The following USP54 variants were observed in gnomAD, a reference collection of about 807,000 sequenced individuals.
The protein encoded by USP54 is ubiquitin carboxyl-terminal hydrolase 54.
Under a neutral mutation model 170.5 loss-of-function variants are expected in USP54, and 87 were observed. The ratio of observed to expected loss-of-function variants is 0.51; its 90% CI spans 0.43 to 0.61. The LOEUF (loss-of-function observed/expected upper bound fraction) is 0.61. Ranked by LOEUF, USP54 falls within the 20% of genes least tolerant of loss-of-function variation. USP54 has a pLI of 0.00. For synonymous variants in USP54, 655 were observed against 742.8 expected (o/e 0.88, Z 1.92); for missense variants, 1,786 against 2,047.8 (o/e 0.87, Z 2.47).
At chr10:73,501,695 A>G (rs781471296) in intron 22 of USP54, among the ~76,000 whole-genome samples, 1 of 152,156 alleles carries the variant, frequency 6.6e-6, no homozygotes, top group African/African-American at 2.4e-5. Flanking sequence ...CCTGTGTGAT[A>G]TGGCCCTGCT....
chr10:73,568,207 C>G (rs1320409991), intron 4 of USP54, among the ~76,000 whole-genome samples: 3 of 152,124 alleles, frequency 2.0e-5, no homozygotes, highest in Non-Finnish European at 2.9e-5. Context: ...CCACTGCTCC[C>G]AGCCCTATAA....
chr10:73,605,847 G>A (rs1300740863), intron 1 of USP54, among the ~76,000 whole-genome samples: 6 of 151,974 alleles, frequency 3.9e-5, no homozygotes, highest in African/African-American at 1.5e-4. Context: ...GAGGAATCGG[G>A]GGGTGTTTAA....
At chr10:73,584,282 G>A (rs2077223184) in intron 1 of USP54, among the ~76,000 whole-genome samples, 1 of 152,136 alleles carries the variant, frequency 6.6e-6, no homozygotes, top group Non-Finnish European at 1.5e-5. Flanking sequence ...CAGCTACTCG[G>A]GAGGCTGAGG....
intron 4 of USP54, among the ~76,000 whole-genome samples, chr10:73,547,721 A>C (rs188311281): frequency 2.0e-5 from 3 of 152,362 alleles, no homozygotes; most frequent in African/African-American, 7.2e-5. Flanking sequence ...CAACTTATAC[A>C]ACAATTAATT....
At chr10:73,586,572 T>G (rs1186782226) in intron 1 of USP54, among the ~76,000 whole-genome samples, 4 of 152,218 alleles carry the variant, frequency 2.6e-5, no homozygotes, top group African/African-American at 9.7e-5. Context: ...ACTTTTTGTT[T>G]GAAGGTACCT....
chr10:73,601,373 A>G (rs1180892161), intron 1 of USP54, among the ~76,000 whole-genome samples: 1 of 152,096 alleles, frequency 6.6e-6, no homozygotes, highest in Non-Finnish European at 1.5e-5. Context: ...AGTTAGAACC[A>G]CCTAAGCTTT....
At chr10:73,567,838 C>T (rs2074204226) in intron 4 of USP54, among the ~76,000 whole-genome samples, 1 of 152,032 alleles carries the variant, frequency 6.6e-6, no homozygotes, top group Non-Finnish European at 1.5e-5. Flanking sequence ...TTATATCTTT[C>T]CTTTGGTTTT....
chr10:73,517,211 C>A lies in USP54; in HGVS notation c.3215G>T (p.Cys1072Phe). The change falls in exon 20 of 24, where the codon TGC becomes TTC. Residue 1072 changes from cysteine (C) to phenylalanine (F), a missense_variant. Cys to Phe is a radical substitution (Grantham distance 205, BLOSUM62 -2). Around this residue, in one of 3 missense-constraint regions of USP54, gnomAD observed 1,418 missense variants for 1,569.0 expected, o/e 0.90. Transcript: ENST00000687698. ...AGAAGCAACAGGCATTATGGGGTGG[C>A]AGGTTCTATACAGGGGAAGGCTGGG... ...AQPSLPLYRT[C>F]HPIMPVASSF... The A allele has an allele frequency of 6.2e-7, 1 of 1,614,164 alleles. No individual in the cohort carries two copies. The highest frequency in any genetic ancestry group is 8.5e-7 in the Non-Finnish European group (1 of 1,180,036).
Position 73,530,208 on chromosome 10 carries a change from A to G in USP54, c.1763T>C (p.Ile588Thr). 1 of 1,614,138 alleles carries G rather than the reference A, an allele frequency of 6.2e-7. No individual in the cohort carries two copies. The highest frequency in any genetic ancestry group is 1.1e-5 in the South Asian group (1 of 91,074). ...GTGCTTCCTTTTGTCCTTACTAAAG[A>G]TACTGTCAATATTCAGAGATTCTCG... ...PKRESLNIDS[I>T]FSKDKRKHCG... The change falls in exon 14 of 24, where the codon ATC becomes ACC. Residue 588 changes from isoleucine (I) to threonine (T), a missense_variant. By Grantham distance (89) the Ile-to-Thr change is moderately conservative. Coordinates refer to ENST00000687698, the MANE Select transcript of USP54 (RefSeq NM_001391956.1).
intron 1 of USP54, among the ~76,000 whole-genome samples, chr10:73,604,120 A>G (rs112340116): frequency 0.035 from 5,342 of 151,990 alleles, 152 homozygotes; most frequent in South Asian, 0.11. Context: ...GTGGTGGTGC[A>G]CACCTGTAGT....
At chr10:73,624,142 G>C in intron 1 of USP54, among the ~76,000 whole-genome samples, 1 of 111,250 alleles carries the variant, frequency 9.0e-6, no homozygotes, top group South Asian at 2.9e-4. Context: ...ACCAGCTGAA[G>C]AAGGATTTTT....
chr10:73,512,512 CT>C (rs944514748), intron 20 of USP54, among the ~76,000 whole-genome samples: 100 of 146,712 alleles, frequency 6.8e-4, no homozygotes, highest in African/African-American at 1.7e-3. Context: ...TTTGATTTTA[CT>C]TTTTTTTTTT....
intron 1 of USP54, among the ~76,000 whole-genome samples, chr10:73,625,141 C>A (rs746532079): frequency 6.6e-5 from 10 of 152,106 alleles, no homozygotes; most frequent in Non-Finnish European, 1.3e-4. Context: ...TTAGCACACA[C>A]CCCCTTCTTC....
intron 18 of USP54, among the ~76,000 whole-genome samples, chr10:73,520,490 G>C (rs1199055195): frequency 6.6e-6 from 1 of 152,186 alleles, no homozygotes; most frequent in Non-Finnish European, 1.5e-5. Context: ...ATGAAGGTAG[G>C]GGAGAATCAG....
chr10:73,516,823 C>A lies in USP54; in HGVS notation c.3603G>T (p.Glu1201Asp). The change falls in exon 20 of 24, where the codon GAG becomes GAT. Residue 1201 changes from glutamate to aspartate, a missense_variant. Physicochemically the swap from Glu to Asp is conservative, Grantham distance 45 (BLOSUM62 2). This residue lies in a region of USP54 where 1,418 missense variants were observed against 1,569.0 expected (regional missense o/e 0.90). Transcript: ENST00000687698. Reference protein sequence around the residue: ...EGGDRPLSWEESTEHSSLALN... With the variant: ...EGGDRPLSWEDSTEHSSLALN... The stretch of plus-strand genomic sequence containing the variant: ...AGGCAAGAGAAGAATGTTCAGTGGA[C>A]TCTTCCCAGGAAAGTGGTCTATCCC... 6.2e-7 allele frequency: 1 copy of A among 1,614,258 alleles called. No homozygotes were observed. Among genetic ancestry groups the A allele is most frequent in the Non-Finnish European group, 8.5e-7 (1 of 1,180,046 alleles).
In USP54 at chr10:73,616,293, G is replaced by A. The variant is rs1004077800; in HGVS notation, c.-18+9274C>T. Among the ~76,000 whole-genome samples, 7 of 133,306 alleles carry A rather than the reference G, an allele frequency of 5.3e-5. No individual in the cohort carries two copies. In the East Asian group the frequency reaches 1.5e-3, roughly 28 times the overall value. The allele number at this position is 133,306 out of a possible 152,430, so 87.5% of individuals were successfully genotyped here. A position where few individuals can be genotyped will look rare whatever the true frequency, so the allele number is the denominator to read the frequency against. On this transcript the variant is annotated intron_variant, in intron 1 of 22. Coordinates refer to the USP54 transcript ENST00000339859. ...GCAGAGGCTGCAGTGAGCCGAGATT[G>A]CGCCACTGCACTCCAGCCTAGGCGA... is the stretch of plus-strand genomic sequence containing the variant.
At chr10:73,612,839 C>CAAA (rs756355670) in intron 1 of USP54, among the ~76,000 whole-genome samples, 35 of 42,024 alleles carry the variant, frequency 8.3e-4, no homozygotes, top group East Asian at 1.4e-3. Context: ...GACATTGTCT[C>CAAA]AAAAAAAAAA....
chr10:73,614,450 A>G lies in USP54; in HGVS notation c.-18+11117T>C, dbSNP rs117399387. ...GTGGTATGCACCTGTAGTCCCAGCT[A>G]CTCCAGAGGTTGAGGCAGAGAATCG... On this transcript the variant is annotated intron_variant, in intron 1 of 22. Transcript: ENST00000339859. 7.1e-4 allele frequency among the ~76,000 whole-genome samples: 104 copies of G among 147,382 alleles called. 4 individuals carry two copies. The East Asian group carries it at 0.02, about 28-fold the overall frequency.
intron 22 of USP54, among the ~76,000 whole-genome samples, chr10:73,502,852 C>G (rs2133140267): frequency 6.6e-6 from 1 of 152,232 alleles, no homozygotes; most frequent in South Asian, 2.1e-4. Flanking sequence ...ATATCTCATT[C>G]CAAAAGCCTG....
Sources: allele counts gnomAD v4.1 joint callset (sites outside exome capture counted in the v4.1 genomes callset), GRCh38; gene constraint gnomAD v4.1.1; regional missense constraint gnomAD v4.1.1; transcripts MANE v1.5; gene names NCBI Gene and HGNC (gene_info 2026-07-23, HGNC 2026-07-21).